Variants in ANAPC5 observed in about 807,000 individuals in gnomAD.
The protein encoded by ANAPC5 is anaphase-promoting complex subunit 5.
A neutral mutation model predicts 91.3 loss-of-function variants in ANAPC5; 60 were observed. That is an observed-to-expected ratio of 0.66 (90% CI 0.53 to 0.81). The LOEUF is 0.81. Ranked by LOEUF, ANAPC5 falls within the 40% of genes least tolerant of loss-of-function variation. ANAPC5 has a pLI of 0.00. For missense variants in ANAPC5, 690 were observed against 931.5 expected (o/e 0.74, Z 3.37); for synonymous variants, 340 against 364.1 (o/e 0.93, Z 0.75).
At position 121,326,949 on chromosome 12, in the gene ANAPC5, C is replaced by G. The variant is rs555650057; in HGVS notation, c.1440+147G>C. ...ACTTTGCAGACTCCACCCTTGGTCCCCTTCCACTGGTGGGATTTCACTCTT... is the reference window on the plus strand; with the variant it reads ...ACTTTGCAGACTCCACCCTTGGTCCGCTTCCACTGGTGGGATTTCACTCTT... On this transcript the variant is annotated intron_variant, in intron 11 of 16. Coordinates refer to ENST00000261819, the MANE Select transcript of ANAPC5 (RefSeq NM_016237.5). 102 of 1,117,908 alleles carry G rather than the reference C, an allele frequency of 9.1e-5. 1 individual carries two copies. In the South Asian group the frequency reaches 2.0e-3, roughly 22 times the overall value. The allele number at this position is 1,117,908 out of a possible 1,614,324, so 69.2% of individuals were successfully genotyped here. A position where few individuals can be genotyped will look rare whatever the true frequency, so the allele number is the denominator to read the frequency against.
chr12:121,352,373 G>C lies in ANAPC5; in HGVS notation c.-33C>G, dbSNP rs921770533. The C allele has an allele frequency of 1.9e-6, 3 of 1,559,120 alleles. No homozygotes were observed. Among genetic ancestry groups the C allele is most frequent in the Non-Finnish European group, 8.7e-7 (1 of 1,145,042 alleles). ...CGAGACTAAGTCTCGGGCCCGCGGC[G>C]CGCTGCCGCCAGTTGTCACCACAAG... On this transcript the variant is annotated 5_prime_UTR_variant, in exon 1 of 17. Transcript: ENST00000261819.
chr12:121,350,576 G>A (rs1410313264), intron 1 of ANAPC5, among the ~76,000 whole-genome samples: 1 of 152,140 alleles, frequency 6.6e-6, no homozygotes, highest in East Asian at 1.9e-4. Context: ...AGCTACTCCG[G>A]AGGCTGAGGC....
At position 121,342,080 on chromosome 12, in the gene ANAPC5, TA is replaced by T; in HGVS notation, c.591-12del. The T allele has an allele frequency of 6.3e-7, 1 of 1,577,846 alleles. No individual in the cohort carries two copies. Among genetic ancestry groups the T allele is most frequent in the Non-Finnish European group, 8.6e-7 (1 of 1,165,478 alleles). On this transcript the variant is annotated splice_polypyrimidine_tract_variant and intron_variant, in intron 4 of 16. Transcript: ENST00000261819. The surrounding 1 kb of genome is among the most constrained non-coding windows in gnomAD (Gnocchi z 4.1). ...GATACCTCCTCTTCTCTGGAAAAAA[TA>T]AAAAAACAAAAATAGTAAAGAATTA...
intron 15 of ANAPC5, among the ~76,000 whole-genome samples, chr12:121,315,678 G>C (rs775033093): frequency 5.3e-5 from 8 of 152,058 alleles, no homozygotes; most frequent in Non-Finnish European, 1.0e-4. Flanking sequence ...GTTTTTAACA[G>C]GGGTACCAAA....
chr12:121,317,934 ATC>A, intron 15 of ANAPC5: 1 of 183,356 alleles, frequency 5.5e-6, no homozygotes. Context: ...TTCAATGAAC[ATC>A]TGTGTTCCTC....
Position 121,318,353 on chromosome 12 carries a change from T to G in ANAPC5, c.1817A>C (p.Gln606Pro). The change falls in exon 15 of 17, where the codon CAG becomes CCG. Residue 606 changes from glutamine to proline, a missense_variant. Gln to Pro is a moderately conservative substitution (Grantham distance 76, BLOSUM62 -1). This residue lies in a region of ANAPC5 where 317 missense variants were observed against 438.7 expected (regional missense o/e 0.72). Transcript: ENST00000261819. ...GTACTCCTTGGAGAGGGCCAGAGCC[T>G]GCAGGAGCATGGGCAGCGCGATGGT... is the stretch of plus-strand genomic sequence containing the variant. ...SPTIALPMLL[Q>P]ALALSKEYRL... 6.2e-7 allele frequency: 1 copy of G among 1,611,868 alleles called. No individual in the cohort carries two copies.
chr12:121,335,397 C>A, intron 7 of ANAPC5, 136 bp downstream of exon 7: 1 of 913,066 alleles, frequency 1.1e-6, no homozygotes, highest in Non-Finnish European at 1.6e-6. Context: ...AACTCCTGAC[C>A]TCACGTGATC....
At chr12:121,319,931 T>G in intron 12 of ANAPC5, 113 bp from the exon 13 acceptor site, 1 of 1,095,266 alleles carries the variant, frequency 9.1e-7, no homozygotes, top group Non-Finnish European at 1.3e-6. Flanking sequence ...TTCACACATA[T>G]TCTTTTTTGG....
intron 11 of ANAPC5, among the ~76,000 whole-genome samples, chr12:121,321,728 G>A (rs772194550): frequency 8.6e-5 from 13 of 152,000 alleles, no homozygotes; most frequent in Non-Finnish European, 1.8e-4. Context: ...AGTAGAGGCA[G>A]TGTTTTGCCA....
At chr12:121,315,920 A>C (rs967055005) in intron 15 of ANAPC5, among the ~76,000 whole-genome samples, 3 of 152,252 alleles carry the variant, frequency 2.0e-5, no homozygotes, top group Non-Finnish European at 4.4e-5. Context: ...TAAAAGCACA[A>C]GCAACAAAAG....
At position 121,320,695 on chromosome 12, in the gene ANAPC5, C is replaced by T. The variant is rs373904844; in HGVS notation, c.1441-236G>A. On this transcript the variant is annotated intron_variant, in intron 11 of 16. Transcript: ENST00000261819. The stretch of plus-strand genomic sequence containing the variant: ...TCGGCTCATTGCAAGCTCCGCTTCC[C>T]GGGTTCACGCCATTCTCCTGCCTCA... 2,775 of 311,628 alleles carry T rather than the reference C, an allele frequency of 8.9e-3. 33 individuals are homozygous for T. Among genetic ancestry groups the T allele is most frequent in the South Asian group, 0.043 (548 of 12,766 alleles). 19.3% of individuals were successfully genotyped at this position (311,628 alleles called of 1,614,324 possible).
intron 16 of ANAPC5, 28 bp from the exon 17 acceptor site, chr12:121,308,719 C>A: frequency 6.4e-7 from 1 of 1,564,912 alleles, no homozygotes; most frequent in African/African-American, 1.4e-5. Flanking sequence ...ATAACACACA[C>A]ATTTAACTCA....
chr12:121,347,781 AAAG>A lies in ANAPC5; in HGVS notation c.287+18_287+20del. On this transcript the variant is annotated intron_variant, in intron 2 of 16. Coordinates refer to ENST00000261819, the MANE Select transcript of ANAPC5 (RefSeq NM_016237.5). ...TCTACCTTCACACCTTTTCATATAT[AAAG>A]AAGAAAATGAAGTTTACCTGATCTG... 6.4e-7 allele frequency: 1 copy of A among 1,571,500 alleles called. No homozygotes were observed. The highest frequency in any genetic ancestry group is 2.2e-5 in the East Asian group (1 of 44,670).
In ANAPC5 at chr12:121,342,959, C is replaced by CTT. The variant is rs1903517533; in HGVS notation, c.591-891_591-890insAA. 6.6e-6 allele frequency among the ~76,000 whole-genome samples: 1 copy of CTT among 152,082 alleles called. No homozygotes were observed. The highest frequency in any genetic ancestry group is 6.5e-5 in the Admixed American group (1 of 15,270). On this transcript the variant is annotated intron_variant, in intron 4 of 16. Coordinates refer to ENST00000261819, the MANE Select transcript of ANAPC5 (RefSeq NM_016237.5). This position sits in a 1 kb window ranked among gnomAD's most constrained non-coding sequence, Gnocchi z 4.1. ...CCTATAAAATAAAAAGGTTCTCTAACAAAGTAATTTCTTTTAGACAAAGAA... is the reference window on the plus strand; with the variant it reads ...CCTATAAAATAAAAAGGTTCTCTAACTTAAAGTAATTTCTTTTAGACAAAGAA...
In ANAPC5 at chr12:121,328,360, G is replaced by C; in HGVS notation, c.1260C>G (p.Ile420Met). The C allele has an allele frequency of 6.2e-7, 1 of 1,613,948 alleles. No homozygotes were observed. The highest frequency in any genetic ancestry group is 8.5e-7 in the Non-Finnish European group (1 of 1,179,996). ...AGATGGCCGTTTTCTGTGCGATGCTGATATCGATGAGCTCTGACAGGCTGT... is the reference window on the plus strand; with the variant it reads ...AGATGGCCGTTTTCTGTGCGATGCTCATATCGATGAGCTCTGACAGGCTGT... ...WKHSLSELIDISIAQKTAIWR... is the reference protein window; with the variant it reads ...WKHSLSELIDMSIAQKTAIWR... Residue 420 changes from isoleucine to methionine, a missense_variant, in exon 10 of 17, where the codon ATC becomes ATG. This residue lies in a region of ANAPC5 where 317 missense variants were observed against 438.7 expected (regional missense o/e 0.72). Coordinates refer to ENST00000261819, the MANE Select transcript of ANAPC5 (RefSeq NM_016237.5).
At chr12:121,322,896 G>A (rs1052231113) in intron 11 of ANAPC5, among the ~76,000 whole-genome samples, 2 of 152,000 alleles carry the variant, frequency 1.3e-5, no homozygotes, top group African/African-American at 4.8e-5. Flanking sequence ...GCAGTGGCAG[G>A]TGCCTGTAAT....
chr12:121,342,110 A>C lies in ANAPC5; in HGVS notation c.591-41T>G, dbSNP rs1555274175. ...AAACAAAAATAGTAAAGAATTACAC[A>C]AAAGTAAAAATGATAACATTTATAA... On this transcript the variant is annotated intron_variant, in intron 4 of 16. Coordinates refer to ENST00000261819, the MANE Select transcript of ANAPC5 (RefSeq NM_016237.5). This position sits in a 1 kb window ranked among gnomAD's most constrained non-coding sequence, Gnocchi z 4.1. 1 of 1,398,986 alleles carries C rather than the reference A, an allele frequency of 7.1e-7. No individual in the cohort carries two copies. Among genetic ancestry groups the C allele is most frequent in the South Asian group, 1.2e-5 (1 of 80,834 alleles). 86.7% of individuals were successfully genotyped at this position (1,398,986 alleles called of 1,614,324 possible). A position where few individuals can be genotyped will look rare whatever the true frequency, so the allele number is the denominator to read the frequency against.
chr12:121,313,119 C>T (rs1451924882), intron 15 of ANAPC5, among the ~76,000 whole-genome samples: 1 of 152,026 alleles, frequency 6.6e-6, no homozygotes, highest in African/African-American at 2.4e-5. Flanking sequence ...TGAGGTCAGG[C>T]GTTCGAGGCC....
At chr12:121,340,213 G>A (rs1340972523) in intron 5 of ANAPC5, among the ~76,000 whole-genome samples, 2 of 150,502 alleles carry the variant, frequency 1.3e-5, no homozygotes, top group African/African-American at 2.4e-5. Flanking sequence ...AGCTACTTAG[G>A]AGGCTGAGGC....
Sources: gnomAD v4.1 joint callset for allele counts (sites outside exome capture counted in the v4.1 genomes callset) on GRCh38, gnomAD v4.1.1 for gene constraint, gnomAD v4.1.1 regional missense constraint, Gnocchi (gnomAD v3.1) non-coding constraint, MANE v1.5 for transcripts, NCBI Gene and HGNC (gene_info 2026-07-23, HGNC 2026-07-21) for gene names.